Variants in ADAMTSL1 observed in about 807,000 individuals in gnomAD.
ADAMTSL1 encodes the protein ADAMTS like 1, also known as ADAMTS-like protein 1.
A neutral mutation model predicts 201.8 loss-of-function variants in ADAMTSL1; 126 were observed. That is an observed-to-expected ratio of 0.62 (90% CI 0.54 to 0.72). ADAMTSL1 has a LOEUF of 0.72. Ranked by LOEUF, ADAMTSL1 falls within the 30% of genes least tolerant of loss-of-function variation. The pLI is 0.00. For synonymous variants in ADAMTSL1, 1,121 were observed against 903.4 expected, an observed-to-expected ratio of 1.24 and a Z score of -4.32; for missense variants, 2,679 against 2,277.8, an observed-to-expected ratio of 1.18 and a Z score of -3.59.
At position 18,508,910 on chromosome 9, in the gene ADAMTSL1, C is replaced by G. The variant is rs975599814; in HGVS notation, c.191+3954C>G. Among the ~76,000 whole-genome samples the G allele has an allele frequency of 2.1e-5, 2 of 95,534 alleles. 1 individual carries two copies. Among genetic ancestry groups the G allele is most frequent in the African/African-American group, 1.0e-4 (2 of 19,334 alleles). 62.7% of individuals were successfully genotyped at this position (95,534 alleles called of 152,430 possible). On this transcript the variant is annotated intron_variant, in intron 2 of 28. Coordinates refer to ENST00000380548, the MANE Select transcript of ADAMTSL1 (RefSeq NM_001040272.6). ...TTATAATTTAGAAATAGAGGCCGGG[C>G]GCGGTGGCTCACGCCTGTAATCCCA...
At chr9:18,837,113 G>T (rs1028301434) in intron 23 of ADAMTSL1, among the ~76,000 whole-genome samples, 39 of 152,146 alleles carry the variant, frequency 2.6e-4, no homozygotes, top group Admixed American at 7.2e-4. Context: ...CTTGCCTGAT[G>T]GCTCTCACTA....
chr9:18,894,224 C>A (rs560432949), intron 26 of ADAMTSL1, among the ~76,000 whole-genome samples: 40 of 152,304 alleles, frequency 2.6e-4, no homozygotes, highest in African/African-American at 9.6e-4. Context: ...ACGGCTCATG[C>A]CGGTAATCTC....
Position 18,516,323 on chromosome 9 carries a change from G to A in ADAMTSL1, c.191+11367G>A, listed in dbSNP as rs559618187. On this transcript the variant is annotated intron_variant, in intron 2 of 28. Transcript: ENST00000380548. Reference sequence around the variant, plus strand: ...GGTCTGTCCAAATCATATACAATGGGGGATGGACAATTCACCTGGAGGCAG... The same window carrying A: ...GGTCTGTCCAAATCATATACAATGGAGGATGGACAATTCACCTGGAGGCAG... 5.3e-5 allele frequency among the ~76,000 whole-genome samples: 8 copies of A among 152,204 alleles called. No homozygotes were observed. The East Asian group carries it at 1.5e-3, about 29-fold the overall frequency.
chr9:18,902,792 C>G (rs556034075), intron 26 of ADAMTSL1, among the ~76,000 whole-genome samples: 7 of 152,144 alleles, frequency 4.6e-5, no homozygotes, highest in Middle Eastern at 6.8e-3. Flanking sequence ...GTAAATTCTT[C>G]AAAAAGACTA....
At chr9:18,035,465 C>A (rs1411395320) in intron 1 of ADAMTSL1, among the ~76,000 whole-genome samples, 2 of 152,040 alleles carry the variant, frequency 1.3e-5, no homozygotes, top group African/African-American at 4.8e-5. Context: ...ATCAGTTATC[C>A]CAGGGAAAGC....
rs545447516 is a variant in ADAMTSL1, at chr9:18,869,729, G to A, written c.4250-18102G>A. Among the ~76,000 whole-genome samples, 155 of 151,934 alleles carry A rather than the reference G, an allele frequency of 1.0e-3. 1 individual carries two copies. Among genetic ancestry groups the A allele is most frequent in the African/African-American group, 3.6e-3 (151 of 41,460 alleles). ...TTACATGTAGTCTAGCTTTTTTTCT[G>A]TCCTGGCTTTCAATATTTTTTCTTT... On this transcript the variant is annotated intron_variant, in intron 23 of 28. Coordinates refer to ENST00000380548, the MANE Select transcript of ADAMTSL1 (RefSeq NM_001040272.6).
At chr9:18,110,524 A>C (rs973846312) in intron 1 of ADAMTSL1, among the ~76,000 whole-genome samples, 1 of 152,092 alleles carries the variant, frequency 6.6e-6, no homozygotes, top group Non-Finnish European at 1.5e-5. Flanking sequence ...GAAAGCTTCA[A>C]CCCCTATCTG....
At chr9:18,540,132 A>G (rs573951927) in intron 3 of ADAMTSL1, among the ~76,000 whole-genome samples, 41 of 152,300 alleles carry the variant, frequency 2.7e-4, no homozygotes, top group Non-Finnish European at 4.1e-4. Context: ...TAGTTTTCTG[A>G]AAAATGGAAG....
intron 1 of ADAMTSL1, among the ~76,000 whole-genome samples, chr9:17,997,479 C>A (rs1023097397): frequency 2.0e-5 from 3 of 151,958 alleles, no homozygotes; most frequent in Non-Finnish European, 2.9e-5. Flanking sequence ...AAAATGAATC[C>A]GTTGAAAATC....
intron 1 of ADAMTSL1, among the ~76,000 whole-genome samples, chr9:18,012,482 G>C (rs1207016525): frequency 6.6e-6 from 1 of 152,086 alleles, no homozygotes; most frequent in Non-Finnish European, 1.5e-5. Context: ...TAAAGTGGAG[G>C]CTACTTGCCT....
chr9:18,737,657 A>G (rs1271299418), intron 15 of ADAMTSL1, among the ~76,000 whole-genome samples: 1 of 152,228 alleles, frequency 6.6e-6, no homozygotes, highest in Non-Finnish European at 1.5e-5. Context: ...AAAATTTGAC[A>G]AATGAGTCTC....
intron 2 of ADAMTSL1, among the ~76,000 whole-genome samples, chr9:18,195,569 T>C (rs1829143130): frequency 6.6e-6 from 1 of 152,172 alleles, no homozygotes; most frequent in South Asian, 2.1e-4. Flanking sequence ...AAAATTATTC[T>C]CTTTGAAGAA....
At chr9:18,656,081 T>C (rs1248096551) in intron 7 of ADAMTSL1, among the ~76,000 whole-genome samples, 1 of 152,048 alleles carries the variant, frequency 6.6e-6, no homozygotes, top group African/African-American at 2.4e-5. Context: ...CTGTAGGGTT[T>C]CTCTCTTCCT....
chr9:17,954,610 G>T (rs1827857960), intron 1 of ADAMTSL1, among the ~76,000 whole-genome samples: 1 of 152,178 alleles, frequency 6.6e-6, no homozygotes, highest in Non-Finnish European at 1.5e-5. Context: ...ACTTGGTGAG[G>T]CATGGAAGGA....
At chr9:18,318,501 G>A (rs1003133900) in intron 2 of ADAMTSL1, among the ~76,000 whole-genome samples, 2 of 152,142 alleles carry the variant, frequency 1.3e-5, no homozygotes, top group African/African-American at 4.8e-5. Flanking sequence ...AGACACTGAA[G>A]GTTACAAGAT....
chr9:18,386,271 A>T (rs1231229356), intron 2 of ADAMTSL1, among the ~76,000 whole-genome samples: 1 of 152,176 alleles, frequency 6.6e-6, no homozygotes, highest in Non-Finnish European at 1.5e-5. Flanking sequence ...ATAAAGGGCA[A>T]CAAAACGACA....
intron 2 of ADAMTSL1, among the ~76,000 whole-genome samples, chr9:18,435,726 T>G (rs1056408451): frequency 2.0e-5 from 3 of 152,200 alleles, no homozygotes; most frequent in African/African-American, 7.2e-5. Flanking sequence ...CTCACAATCA[T>G]GGCGGATGGC....
intron 14 of ADAMTSL1, among the ~76,000 whole-genome samples, chr9:18,721,167 T>C (rs922991743): frequency 1.1e-4 from 16 of 152,124 alleles, no homozygotes; most frequent in African/African-American, 3.1e-4. Flanking sequence ...GATGTGAAGG[T>C]TTTGGGCCCC....
chr9:18,272,989 A>T (rs940677338), intron 2 of ADAMTSL1, among the ~76,000 whole-genome samples: 2 of 152,228 alleles, frequency 1.3e-5, no homozygotes, highest in African/African-American at 4.8e-5. Context: ...GTGGGGGAGA[A>T]TAATAAAATG....
Sources: allele counts gnomAD v4.1 joint callset (sites outside exome capture counted in the v4.1 genomes callset), GRCh38; gene constraint gnomAD v4.1.1; transcripts MANE v1.5; gene names NCBI Gene and HGNC (gene_info 2026-07-23, HGNC 2026-07-21).